Variants in WDR70 observed in about 807,000 individuals in gnomAD.
WDR70 encodes the protein WD repeat domain 70.
A neutral mutation model predicts 88.6 loss-of-function variants in WDR70; 53 were observed. That is an observed-to-expected ratio of 0.60 (90% CI 0.48 to 0.75). The LOEUF (loss-of-function observed/expected upper bound fraction) is 0.75. Among genes scored for constraint, WDR70 ranks in the 30% least tolerant of loss-of-function variants. The pLI, the probability that WDR70 is intolerant of heterozygous loss-of-function variation, is 0.00. For missense variants in WDR70, 610 were observed against 823.2 expected (o/e 0.74, Z 3.17); for synonymous variants, 280 against 270.0 (o/e 1.04, Z -0.36).
chr5:37,402,445 C>G (rs773674261), intron 5 of WDR70, among the ~76,000 whole-genome samples: 15 of 152,014 alleles, frequency 9.9e-5, no homozygotes, highest in African/African-American at 3.1e-4. Flanking sequence ...TGTGAATTTC[C>G]TTTCCTTTGG....
At position 37,688,821 on chromosome 5, in the gene WDR70, T is replaced by C. The variant is rs112387678; in HGVS notation, c.1093-8834T>C. 7.6e-3 allele frequency among the ~76,000 whole-genome samples: 1,150 copies of C among 151,080 alleles called. 18 individuals are homozygous for C. The highest frequency in any genetic ancestry group is 0.026 in the African/African-American group (1,080 of 41,454). On this transcript the variant is annotated intron_variant, in intron 10 of 17. Transcript: ENST00000265107. ...CAGCTGAGGCACCTGGTTCATCTCA[T>C]TGGGACTGGTTGGACAGTGGGTGCA...
At position 37,437,979 on chromosome 5, in the gene WDR70, A is replaced by G. The variant is rs1231498778; in HGVS notation, c.550A>G (p.Thr184Ala). 1.9e-6 allele frequency: 3 copies of G among 1,608,608 alleles called. No homozygotes were observed. The Admixed American group carries it at 5.1e-5, about 27-fold the overall frequency. The change falls in exon 6 of 18, where the codon ACA becomes GCA. Residue 184 changes from threonine to alanine, a missense_variant and splice_region_variant. Thr to Ala is a moderately conservative substitution (Grantham distance 58). This residue lies in a region of WDR70 where 203 missense variants were observed against 228.1 expected (regional missense o/e 0.89). Coordinates refer to ENST00000265107, the MANE Select transcript of WDR70 (RefSeq NM_018034.4). ...GATAACGCTGAAGCATGGCACTAAA[A>G]CAGTAAGTTTAAAAATCTAGTTTTT... ...HEITLKHGTK[T>A]VSALGLDPSG...
At chr5:37,661,967 A>AG (rs1412555961) in intron 10 of WDR70, among the ~76,000 whole-genome samples, 1 of 152,218 alleles carries the variant, frequency 6.6e-6, no homozygotes, top group African/African-American at 2.4e-5. Flanking sequence ...AATGGTCCCC[A>AG]GGCAAGAAGG....
In WDR70 at chr5:37,425,665, T is replaced by C. The variant is rs530852991; in HGVS notation, c.493-12257T>C. Among the ~76,000 whole-genome samples, 4 of 152,368 alleles carry C rather than the reference T, an allele frequency of 2.6e-5. No homozygotes were observed. The South Asian group carries it at 8.3e-4, about 32-fold the overall frequency. ...AGGCTTTTCCTTTTATGCTGTTTTT[T>C]TTCTTTTTTCCCCCTAAGCCTTAGT... On this transcript the variant is annotated intron_variant, in intron 5 of 17. Coordinates refer to ENST00000265107, the MANE Select transcript of WDR70 (RefSeq NM_018034.4).
intron 5 of WDR70, among the ~76,000 whole-genome samples, chr5:37,412,008 G>A (rs549178515): frequency 6.6e-6 from 1 of 151,518 alleles, no homozygotes; most frequent in African/African-American, 2.4e-5. Context: ...GTTCTTTCCA[G>A]TAGAATTTGA....
intron 10 of WDR70, among the ~76,000 whole-genome samples, chr5:37,673,964 C>A (rs1202220757): frequency 3.9e-5 from 6 of 152,140 alleles, no homozygotes; most frequent in Admixed American, 3.9e-4. Flanking sequence ...ATTTTTATGG[C>A]TACACAGTAT....
chr5:37,682,444 G>A (rs1042918108), intron 10 of WDR70, among the ~76,000 whole-genome samples: 2 of 151,898 alleles, frequency 1.3e-5, no homozygotes, highest in East Asian at 1.9e-4. Context: ...ACCGATTTTG[G>A]TTATTTTTTG....
chr5:37,673,586 C>CCG (rs1554010670), intron 10 of WDR70, among the ~76,000 whole-genome samples: 1 of 97,112 alleles, frequency 1.0e-5, no homozygotes, highest in Admixed American at 1.4e-4. Context: ...TTTTCTTACC[C>CCG]CCCCCCCACC....
At chr5:37,550,338 A>C (rs990441046) in intron 9 of WDR70, among the ~76,000 whole-genome samples, 1 of 152,208 alleles carries the variant, frequency 6.6e-6, no homozygotes, top group African/African-American at 2.4e-5. Context: ...CAGAGAAGAT[A>C]GTTGGTACTA....
chr5:37,485,959 C>T lies in WDR70; in HGVS notation c.840+5972C>T, dbSNP rs545011642. 2.7e-5 allele frequency among the ~76,000 whole-genome samples: 4 copies of T among 150,408 alleles called. No individual in the cohort carries two copies. In the South Asian group the frequency reaches 8.4e-4, roughly 32 times the overall value. On this transcript the variant is annotated intron_variant, in intron 8 of 17. Transcript: ENST00000265107. Reference sequence around the variant, plus strand: ...CGAACTCCAGACCTCAAGTGATCCGCCTGCCTTGGCTTCCCAAAGTGCTGG... The same window carrying T: ...CGAACTCCAGACCTCAAGTGATCCGTCTGCCTTGGCTTCCCAAAGTGCTGG...
chr5:37,454,494 A>C (rs1738773873), intron 7 of WDR70, among the ~76,000 whole-genome samples: 1 of 152,166 alleles, frequency 6.6e-6, no homozygotes, highest in African/African-American at 2.4e-5. Flanking sequence ...AGAGTTTCAG[A>C]GTTCAAATAA....
intron 8 of WDR70, among the ~76,000 whole-genome samples, chr5:37,487,157 T>C (rs1474597169): frequency 6.6e-6 from 1 of 152,230 alleles, no homozygotes; most frequent in Non-Finnish European, 1.5e-5. Context: ...AACTCACCCC[T>C]CCTTGCCAAA....
chr5:37,562,727 G>A (rs1742553164), intron 9 of WDR70, among the ~76,000 whole-genome samples: 1 of 151,952 alleles, frequency 6.6e-6, no homozygotes, highest in Non-Finnish European at 1.5e-5. Context: ...AACCCTGAGT[G>A]GACACCGCAC....
At chr5:37,618,585 G>T (rs966196866) in intron 10 of WDR70, among the ~76,000 whole-genome samples, 1 of 152,160 alleles carries the variant, frequency 6.6e-6, no homozygotes, top group African/African-American at 2.4e-5. Context: ...GGCCAGGCTG[G>T]TCTCAAACTC....
chr5:37,746,604 A>C (rs537487026), intron 17 of WDR70, among the ~76,000 whole-genome samples: 36 of 152,228 alleles, frequency 2.4e-4, no homozygotes, highest in Non-Finnish European at 3.5e-4. Flanking sequence ...CTGACCCCAC[A>C]GAAATACAAA....
intron 8 of WDR70, chr5:37,506,916 C>T (rs1740577288): frequency 1.1e-6 from 1 of 871,210 alleles, no homozygotes; most frequent in East Asian, 2.4e-5. Flanking sequence ...GTCCTCCTCC[C>T]ACCTTTTTCT....
chr5:37,430,822 A>G lies in WDR70; in HGVS notation c.493-7100A>G, dbSNP rs565935517. The stretch of plus-strand genomic sequence containing the variant: ...GTGATCCACCTGCCTCGGCCTCCCA[A>G]CTGCTGGGATTACAGATGCGAGCCA... On this transcript the variant is annotated intron_variant, in intron 5 of 17. Transcript: ENST00000265107. Among the ~76,000 whole-genome samples, 478 of 151,900 alleles carry G rather than the reference A, an allele frequency of 3.1e-3. 1 individual carries two copies. Among genetic ancestry groups the G allele is most frequent in the African/African-American group, 0.011 (448 of 41,410 alleles).
chr5:37,671,169 AC>A (rs1746013463), intron 10 of WDR70, among the ~76,000 whole-genome samples: 2 of 152,016 alleles, frequency 1.3e-5, no homozygotes, highest in African/African-American at 2.4e-5. Flanking sequence ...AGGAGAAAAA[AC>A]AATTCTATTG....
intron 7 of WDR70, among the ~76,000 whole-genome samples, chr5:37,476,137 A>G (rs1272835404): frequency 6.6e-6 from 1 of 151,996 alleles, no homozygotes; most frequent in East Asian, 1.9e-4. Flanking sequence ...AGCATGAGCC[A>G]CCGTGCCTGA....
Sources: allele counts gnomAD v4.1 joint callset (sites outside exome capture counted in the v4.1 genomes callset), GRCh38; gene constraint gnomAD v4.1.1; regional missense constraint gnomAD v4.1.1; transcripts MANE v1.5; gene names NCBI Gene and HGNC (gene_info 2026-07-23, HGNC 2026-07-21).